Variants in ASB3 observed in about 807,000 individuals in gnomAD.
ASB3 encodes ankyrin repeat and SOCS box containing 3, also known as ankyrin repeat and SOCS box protein 3.
A neutral mutation model predicts 54.5 loss-of-function variants in ASB3; 41 were observed. That is an observed-to-expected ratio of 0.75 (90% CI 0.59 to 0.98). ASB3 has a LOEUF of 0.98. Ranked by LOEUF, ASB3 falls within the 50% of genes least tolerant of loss-of-function variation. The probability of loss-of-function intolerance (pLI) is 0.00; values close to 1 mark genes in which losing one functional copy is unlikely to be tolerated. For synonymous variants in ASB3, 266 were observed against 221.2 expected, an observed-to-expected ratio of 1.20 and a Z score of -1.80; for missense variants, 733 against 620.0, an observed-to-expected ratio of 1.18 and a Z score of -1.94.
intron 4 of ASB3, 114 bp downstream of exon 4, chr2:53,729,344 A>G: frequency 2.0e-6 from 2 of 984,952 alleles, no homozygotes; most frequent in East Asian, 2.6e-5. Context: ...TCTGTACTGC[A>G]CTAACCATCA....
At chr2:53,691,427 C>T (rs1261390821) in intron 9 of ASB3, among the ~76,000 whole-genome samples, 1 of 151,902 alleles carries the variant, frequency 6.6e-6, no homozygotes, top group Non-Finnish European at 1.5e-5. Context: ...GGCAGAGGTG[C>T]AAGAAGTATC....
intron 3 of ASB3, among the ~76,000 whole-genome samples, chr2:53,738,875 C>T (rs1276067301): frequency 6.6e-6 from 1 of 152,144 alleles, no homozygotes; most frequent in Non-Finnish European, 1.5e-5. Flanking sequence ...GACCGCATTT[C>T]AGAAGGCAGA....
intron 3 of ASB3, among the ~76,000 whole-genome samples, chr2:53,734,039 G>A (rs546263297): frequency 6.6e-6 from 1 of 152,340 alleles, no homozygotes; most frequent in East Asian, 1.9e-4. Context: ...TGTGGTTTAA[G>A]AACACCTTTA....
intron 7 of ASB3, among the ~76,000 whole-genome samples, chr2:53,709,810 C>T (rs1455622111): frequency 2.0e-5 from 3 of 152,136 alleles, no homozygotes; most frequent in African/African-American, 7.2e-5. Context: ...TGAATCAGGG[C>T]TTGTGTATGT....
intron 9 of ASB3, among the ~76,000 whole-genome samples, chr2:53,683,706 A>C (rs907776292): frequency 6.6e-6 from 1 of 152,116 alleles, no homozygotes; most frequent in South Asian, 2.1e-4. Context: ...CAATCTTGGA[A>C]GATTGTATGT....
chr2:53,696,903 G>A lies in ASB3; in HGVS notation c.1239-2889C>T, dbSNP rs541646486. On this transcript the variant is annotated intron_variant, in intron 8 of 9. Coordinates refer to ENST00000263634, the MANE Select transcript of ASB3 (RefSeq NM_016115.5). ...GGACTTGAGCATCCATGTGTCAGAGGTGTATGAACCAGAGCAACTCCATCT... is the reference window on the plus strand; with the variant it reads ...GGACTTGAGCATCCATGTGTCAGAGATGTATGAACCAGAGCAACTCCATCT... 5.3e-5 allele frequency among the ~76,000 whole-genome samples: 8 copies of A among 152,240 alleles called. No homozygotes were observed. The East Asian group carries it at 9.6e-4, about 18-fold the overall frequency.
intron 9 of ASB3, among the ~76,000 whole-genome samples, chr2:53,686,825 G>A (rs1668658886): frequency 3.3e-5 from 5 of 152,090 alleles, no homozygotes; most frequent in Admixed American, 2.6e-4. Context: ...AGAATCAAGC[G>A]ATTCTCCTGC....
At chr2:53,769,829 T>G (rs1397496850) in intron 1 of ASB3, among the ~76,000 whole-genome samples, 1 of 151,818 alleles carries the variant, frequency 6.6e-6, no homozygotes, top group Non-Finnish European at 1.5e-5. Context: ...GCAACAAGAG[T>G]GAAATTCCGT....
At chr2:53,749,545 C>A (rs1419218377) in intron 3 of ASB3, among the ~76,000 whole-genome samples, 1 of 152,112 alleles carries the variant, frequency 6.6e-6, no homozygotes, top group Non-Finnish European at 1.5e-5. Context: ...GTGAAAACAA[C>A]TCAAATATCC....
chr2:53,676,401 A>T (rs1039026319), intron 9 of ASB3, among the ~76,000 whole-genome samples: 5 of 152,200 alleles, frequency 3.3e-5, no homozygotes, highest in African/African-American at 1.2e-4. Context: ...CCTTTTCCAA[A>T]ACACATCATT....
At chr2:53,687,778 T>C (rs1668707638) in intron 9 of ASB3, among the ~76,000 whole-genome samples, 1 of 152,220 alleles carries the variant, frequency 6.6e-6, no homozygotes, top group South Asian at 2.1e-4. Context: ...CTCATATAAA[T>C]ACTCTTACCA....
intron 3 of ASB3, among the ~76,000 whole-genome samples, chr2:53,746,828 T>A (rs1483721873): frequency 6.6e-6 from 1 of 152,130 alleles, no homozygotes; most frequent in Non-Finnish European, 1.5e-5. Flanking sequence ...TTCCTTTTTT[T>A]AAATACTATA....
chr2:53,722,708 C>T (rs1364723262), intron 5 of ASB3, among the ~76,000 whole-genome samples: 1 of 152,056 alleles, frequency 6.6e-6, no homozygotes, highest in Non-Finnish European at 1.5e-5. Context: ...TAAGAATCAT[C>T]TATGACCAAC....
At chr2:53,726,129 A>T (rs1382662403) in intron 5 of ASB3, among the ~76,000 whole-genome samples, 1 of 152,198 alleles carries the variant, frequency 6.6e-6, no homozygotes, top group Non-Finnish European at 1.5e-5. Context: ...GATTATTCAA[A>T]ACAATTCAGA....
At chr2:53,730,670 T>C (rs1014054701) in intron 3 of ASB3, among the ~76,000 whole-genome samples, 4 of 152,206 alleles carry the variant, frequency 2.6e-5, no homozygotes, top group African/African-American at 9.7e-5. Flanking sequence ...CAACTGTGTA[T>C]ACATGTTCCT....
chr2:53,720,759 A>G (rs2103865603), intron 5 of ASB3, among the ~76,000 whole-genome samples: 1 of 152,252 alleles, frequency 6.6e-6, no homozygotes, highest in South Asian at 2.1e-4. Context: ...AGAACACTCC[A>G]CTCATCAACC....
intron 3 of ASB3, among the ~76,000 whole-genome samples, chr2:53,735,096 T>G (rs574567535): frequency 1.3e-5 from 2 of 152,114 alleles, no homozygotes; most frequent in Non-Finnish European, 2.9e-5. Flanking sequence ...ATTTTTGTAC[T>G]TTTAGTAGAG....
chr2:53,670,451 C>T lies in ASB3; in HGVS notation c.*52G>A. On this transcript the variant is annotated 3_prime_UTR_variant, in exon 10 of 10. Transcript: ENST00000263634. Reference sequence around the variant, plus strand: ...AACTTGTACTCTGTGGCTCTTTTGTCTCGATGATTTTTCAGAGAAAAAAAT... The same window carrying T: ...AACTTGTACTCTGTGGCTCTTTTGTTTCGATGATTTTTCAGAGAAAAAAAT... 1 of 1,571,016 alleles carries T rather than the reference C, an allele frequency of 6.4e-7. No individual in the cohort carries two copies.
intron 5 of ASB3, among the ~76,000 whole-genome samples, chr2:53,719,622 A>G (rs1304046885): frequency 6.6e-6 from 1 of 151,442 alleles, no homozygotes. Flanking sequence ...ACCTCACCAT[A>G]AACTTCTCCC....
Sources: gnomAD v4.1 joint callset for allele counts (sites outside exome capture counted in the v4.1 genomes callset) on GRCh38, gnomAD v4.1.1 for gene constraint, MANE v1.5 for transcripts, NCBI Gene and HGNC (gene_info 2026-07-23, HGNC 2026-07-21) for gene names.